The following DNAH17 variants were observed in gnomAD, a reference collection of about 807,000 sequenced individuals.
The protein encoded by DNAH17 is dynein axonemal heavy chain 17.
A neutral mutation model predicts 485.6 loss-of-function variants in DNAH17; 376 were observed. That is an observed-to-expected ratio of 0.77 (90% CI 0.71 to 0.84). The LOEUF (loss-of-function observed/expected upper bound fraction) is 0.84, where lower values mean the gene tolerates loss of function less well. Ranked by LOEUF, DNAH17 falls within the 40% of genes least tolerant of loss-of-function variation. The pLI is 0.00. For missense variants in DNAH17, 6,370 were observed against 5,839.3 expected, an observed-to-expected ratio of 1.09 and a Z score of -2.96; for synonymous variants, 3,031 against 2,405.9, an observed-to-expected ratio of 1.26 and a Z score of -7.60.
In DNAH17 at chr17:78,530,428, G is replaced by A. The variant is rs377257524; in HGVS notation, c.3199C>T (p.Arg1067Cys). The A allele has an allele frequency of 2.7e-5, 44 of 1,613,620 alleles. No individual in the cohort carries two copies. The African/African-American group carries it at 2.9e-4, about 11-fold the overall frequency. The change falls in exon 21 of 81, where the codon CGC becomes TGC. Residue 1067 changes from arginine to cysteine, a missense_variant. Coordinates refer to ENST00000389840, the MANE Select transcript of DNAH17 (RefSeq NM_173628.4). ...CTGAGCAGGGCCTGCTTGAAGGGGC[G>A]GCAGTCGCACTGCAGCCAGCCGTGG... ...VFHGWLQCDC[R>C]PFKQALLSTI...
chr17:78,531,195 C>G (rs1324864578), intron 20 of DNAH17, among the ~76,000 whole-genome samples: 1 of 152,132 alleles, frequency 6.6e-6, no homozygotes, highest in Non-Finnish European at 1.5e-5. Context: ...AGATCTACCA[C>G]TGTTTGCTTT....
intron 73 of DNAH17, among the ~76,000 whole-genome samples, chr17:78,438,451 A>AGGAGGAGGAGGAGGG (rs2086937528): frequency 1.6e-5 from 1 of 64,234 alleles, no homozygotes; most frequent in African/African-American, 7.5e-5. Flanking sequence ...AGGAGGGAGG[A>AGGAGGAGGAGGAGGG]GGGAGGAGGA....
intron 44 of DNAH17, among the ~76,000 whole-genome samples, chr17:78,489,086 A>G (rs1466683696): frequency 6.6e-6 from 1 of 152,018 alleles, no homozygotes; most frequent in Non-Finnish European, 1.5e-5. Context: ...GTTGCTGGAG[A>G]AGCCGGCACA....
At chr17:78,533,584 CAA>C (rs2091296897) in intron 19 of DNAH17, among the ~76,000 whole-genome samples, 1 of 152,166 alleles carries the variant, frequency 6.6e-6, no homozygotes, top group African/African-American at 2.4e-5. Flanking sequence ...ACTGGTTAAG[CAA>C]AGAGAGAACT....
rs555541435 is a variant in DNAH17, at chr17:78,506,805, G to T, written c.4718C>A (p.Thr1573Lys). ...CEKALAEYLE[T>K]KRLAFPRFYF... ...GAACCGGGGGAAAGCCAGTCTTTTCGTCTCTAAATACTCTGCCAAAGCCTT... is the reference window on the plus strand; with the variant it reads ...GAACCGGGGGAAAGCCAGTCTTTTCTTCTCTAAATACTCTGCCAAAGCCTT... Residue 1573 changes from threonine to lysine, a missense_variant, in exon 30 of 81, where the codon ACG (threonine) becomes AAG (lysine). Thr to Lys is a moderately conservative substitution (Grantham distance 78). Transcript: ENST00000389840. The T allele has an allele frequency of 5.0e-6, 8 of 1,613,984 alleles. No homozygotes were observed. The highest frequency in any genetic ancestry group is 6.8e-6 in the Non-Finnish European group (8 of 1,179,884).
chr17:78,564,469 C>T (rs566058073), intron 11 of DNAH17, among the ~76,000 whole-genome samples: 3 of 152,228 alleles, frequency 2.0e-5, no homozygotes, highest in African/African-American at 7.2e-5. Context: ...GCTGCCCGCC[C>T]GCCCAGCCCA....
In DNAH17 at chr17:78,483,839, C is replaced by G. The variant is rs1290099041; in HGVS notation, c.7649+1029G>C. ...TGGCTGGGCACGGTGGCTCACACCTCTAATCCCAGCACTTTGTGAGGCCAA... is the reference window on the plus strand; with the variant it reads ...TGGCTGGGCACGGTGGCTCACACCTGTAATCCCAGCACTTTGTGAGGCCAA... On this transcript the variant is annotated intron_variant, in intron 48 of 80. Transcript: ENST00000389840. 4.6e-5 allele frequency among the ~76,000 whole-genome samples: 7 copies of G among 151,342 alleles called. No homozygotes were observed. In the East Asian group the frequency reaches 9.9e-4, roughly 21 times the overall value.
At chr17:78,474,525 G>A (rs2088917905) in intron 54 of DNAH17, among the ~76,000 whole-genome samples, 1 of 152,218 alleles carries the variant, frequency 6.6e-6, no homozygotes, top group Admixed American at 6.5e-5. Flanking sequence ...TAGACACCCA[G>A]TCATGGCTCT....
At chr17:78,543,616 G>A in intron 17 of DNAH17, 1 of 571,128 alleles carries the variant, frequency 1.8e-6, no homozygotes, top group Admixed American at 3.0e-5. Flanking sequence ...GTAAAGGCAG[G>A]GTTTCACCAC....
At position 78,567,026 on chromosome 17, in the gene DNAH17, T is replaced by C. The variant is rs2092278716; in HGVS notation, c.1425A>G (p.Lys475=). The change falls in exon 10 of 81, where the codon AAA becomes AAG. Residue 475 remains lysine (K), a synonymous_variant. Transcript: ENST00000389840. ...FELVKVFADC[K]YDPLDPGDSN... is the part of the protein sequence containing the mutation. ...AGTCTCCAGGGTCCAAGGGATCATA[T>C]TTGCAGTCGGCAAAAACCTTCACCA... The C allele has an allele frequency of 7.4e-6, 12 of 1,613,662 alleles. No individual in the cohort carries two copies. The highest frequency in any genetic ancestry group is 1.0e-5 in the Non-Finnish European group (12 of 1,179,826).
At chr17:78,508,369 C>T (rs1353697596) in intron 27 of DNAH17, among the ~76,000 whole-genome samples, 1 of 152,208 alleles carries the variant, frequency 6.6e-6, no homozygotes, top group Non-Finnish European at 1.5e-5. Flanking sequence ...TTTAGAACAG[C>T]TCTCACCTTC....
chr17:78,539,709 A>T (rs1568218803), intron 18 of DNAH17, 28 bp downstream of exon 18: 4 of 1,550,734 alleles, frequency 2.6e-6, no homozygotes, highest in Non-Finnish European at 3.5e-6. Context: ...CATATACATA[A>T]ATATATTACC....
chr17:78,548,104 G>A (rs572028544), intron 16 of DNAH17, among the ~76,000 whole-genome samples: 1 of 151,592 alleles, frequency 6.6e-6, no homozygotes, highest in Non-Finnish European at 1.5e-5. Context: ...TTCTGCTTTT[G>A]CAGTTTTGAC....
chr17:78,441,155 C>T lies in DNAH17; in HGVS notation c.11573G>A (p.Arg3858Gln), dbSNP rs752345814. The T allele has an allele frequency of 1.7e-5, 27 of 1,613,910 alleles. No individual in the cohort carries two copies. Among genetic ancestry groups the T allele is most frequent in the Middle Eastern group, 1.6e-4 (1 of 6,062 alleles). ...EKMGSKFVEG[R>Q]SVEFSKSYEE... ...GTAGGACTTAGAAAACTCAACACTC[C>T]GGCCTTCCACGAACTTGCTGCCCAT... is the stretch of plus-strand genomic sequence containing the variant. Residue 3858 changes from arginine to glutamine, a missense_variant, in exon 72 of 81, where the codon CGG becomes CAG. Arg to Gln is a conservative substitution (Grantham distance 43). Coordinates refer to ENST00000389840, the MANE Select transcript of DNAH17 (RefSeq NM_173628.4).
chr17:78,546,067 C>T (rs2091754921), intron 16 of DNAH17, among the ~76,000 whole-genome samples: 1 of 152,062 alleles, frequency 6.6e-6, no homozygotes, highest in African/African-American at 2.4e-5. Context: ...CTCGACCTCC[C>T]AGGCTCAAAA....
intron 31 of DNAH17, 83 bp downstream of exon 31, chr17:78,505,210 A>G (rs555476858): frequency 6.4e-7 from 1 of 1,561,176 alleles, no homozygotes; most frequent in African/African-American, 1.4e-5. Context: ...GGTTCTCCGG[A>G]CATCGCCATC....
At chr17:78,440,448 C>A (rs1053147853) in intron 72 of DNAH17, among the ~76,000 whole-genome samples, 1 of 151,418 alleles carries the variant, frequency 6.6e-6, no homozygotes, top group African/African-American at 2.4e-5. Context: ...TTTGTAGAGA[C>A]GGGGTTTTGC....
At chr17:78,510,190 T>C (rs1340061549) in intron 27 of DNAH17, among the ~76,000 whole-genome samples, 194 bp downstream of exon 27, 1 of 151,880 alleles carries the variant, frequency 6.6e-6, no homozygotes, top group African/African-American at 2.4e-5. Context: ...TCAAAAACAA[T>C]AAAAAATAAT....
intron 19 of DNAH17, among the ~76,000 whole-genome samples, chr17:78,536,097 G>A (rs988891769): frequency 3.9e-5 from 6 of 152,178 alleles, no homozygotes; most frequent in African/African-American, 1.2e-4. Flanking sequence ...AAGGCAGTGG[G>A]AGGCACATTT....
Sources: allele counts gnomAD v4.1 joint callset (sites outside exome capture counted in the v4.1 genomes callset), GRCh38; gene constraint gnomAD v4.1.1; transcripts MANE v1.5; gene names NCBI Gene and HGNC (gene_info 2026-07-23, HGNC 2026-07-21).